Variants in AMN observed in about 807,000 individuals in gnomAD.
AMN encodes the protein protein amnionless.
Under a neutral mutation model 49.1 loss-of-function variants are expected in AMN, and 40 were observed. The ratio of observed to expected loss-of-function variants is 0.81; its 90% confidence interval spans 0.63 to 1.06. The LOEUF (loss-of-function observed/expected upper bound fraction) is 1.06. Among genes scored for constraint, AMN ranks in the 50% least tolerant of loss-of-function variants. The probability of loss-of-function intolerance (pLI) is 0.00; values close to 1 mark genes in which losing one functional copy is unlikely to be tolerated. For synonymous variants in AMN, 380 were observed against 313.3 expected (o/e 1.21, Z -2.25); for missense variants, 701 against 662.8 (o/e 1.06, Z -0.63).
Position 102,928,854 on chromosome 14 carries a change from A to G in AMN, c.392A>G (p.Asp131Gly). 1 of 1,604,820 alleles carries G rather than the reference A, an allele frequency of 6.2e-7. No homozygotes were observed. Among genetic ancestry groups the G allele is most frequent in the Non-Finnish European group, 8.5e-7 (1 of 1,179,768 alleles). ...GAGGCACCTGGCCTCTTCTTCGTGGACGCCGAGCGCGTGCCCTGCCGCCAC... is the reference window on the plus strand; with the variant it reads ...GAGGCACCTGGCCTCTTCTTCGTGGGCGCCGAGCGCGTGCCCTGCCGCCAC... ...GDEAPGLFFV[D>G]AERVPCRHDD... is the part of the protein sequence containing the mutation. The change falls in exon 5 of 12, where the codon GAC becomes GGC. Residue 131 changes from aspartate (D) to glycine (G), a missense_variant. By Grantham distance (94) the Asp-to-Gly change is moderately conservative (BLOSUM62 -1). Transcript: ENST00000299155.
At chr14:102,923,204 A>G (rs1891100535) in intron 1 of AMN, 1 of 244,836 alleles carries the variant, frequency 4.1e-6, no homozygotes, top group African/African-American at 2.3e-5. Flanking sequence ...GGACAACCCC[A>G]CCCACCACAT....
At chr14:102,924,106 C>T (rs983457775) in intron 3 of AMN, 127 bp downstream of exon 3, 3 of 1,379,422 alleles carry the variant, frequency 2.2e-6, no homozygotes, top group Admixed American at 3.5e-5. Context: ...GGACTTTGGC[C>T]TCTGGAGAAT....
Position 102,929,981 on chromosome 14 carries a change from C to G in AMN, c.901C>G (p.Arg301Gly), listed in dbSNP as rs1228194866. Residue 301 changes from arginine to glycine, a missense_variant, in exon 9 of 12, where the codon CGT becomes GGT. Physicochemically the swap from Arg to Gly is moderately radical, Grantham distance 125. Transcript: ENST00000299155. ...VSKVPRSSRLREADTEIQVVL... is the reference protein window; with the variant it reads ...VSKVPRSSRLGEADTEIQVVL... ...CAAGGTGCCACGCTCGTCCCGGCTC[C>G]GTGAGGCCGATACGGAGATCCAGGT... is the stretch of plus-strand genomic sequence containing the variant. 4 of 1,564,624 alleles carry G rather than the reference C, an allele frequency of 2.6e-6. No individual in the cohort carries two copies. Among genetic ancestry groups the G allele is most frequent in the Admixed American group, 1.9e-5 (1 of 53,252 alleles).
intron 10 of AMN, 27 bp from the exon 11 acceptor site, chr14:102,930,379 C>A: frequency 6.7e-7 from 1 of 1,497,934 alleles, no homozygotes; most frequent in Non-Finnish European, 8.9e-7. Context: ...CCGAGGGGCT[C>A]ACGCTGCGTC....
At position 102,930,039 on chromosome 14, in the gene AMN, G is replaced by A. The variant is rs932182800; in HGVS notation, c.959G>A (p.Gly320Glu). ...GTGGAGAATGGGCCCGAGACAGGCGGAGCGGGGCGGCTGGCCCGGGCCCTC... is the reference window on the plus strand; with the variant it reads ...GTGGAGAATGGGCCCGAGACAGGCGAAGCGGGGCGGCTGGCCCGGGCCCTC... ...VLVENGPETG[G>E]AGRLARALLA... is the part of the protein sequence containing the mutation. The change falls in exon 9 of 12, where the codon GGA (glycine) becomes GAA (glutamate). Residue 320 changes from glycine to glutamate, a missense_variant. Gly to Glu is a moderately conservative substitution (Grantham distance 98). Coordinates refer to ENST00000299155, the MANE Select transcript of AMN (RefSeq NM_030943.4). 1.7e-5 allele frequency: 27 copies of A among 1,549,868 alleles called. No homozygotes were observed. The highest frequency in any genetic ancestry group is 5.9e-5 in the Admixed American group (3 of 51,178).
rs779979824 is a variant in AMN at position 102,930,177 on chromosome 14, G to A, written c.1019G>A (p.Gly340Asp). 52 of 1,487,230 alleles carry A rather than the reference G, an allele frequency of 3.5e-5. No individual in the cohort carries two copies. Among genetic ancestry groups the A allele is most frequent in the Admixed American group, 6.7e-5 (3 of 44,796 alleles). 92.1% of individuals were successfully genotyped at this position (1,487,230 alleles called of 1,614,324 possible). ...ADVAENGEAL[G>D]VLEATMRESG... ...CCCTCCGTCGCAGGCGAGGCCCTCG[G>A]CGTCCTGGAGGCGACCATGCGGGAG... Residue 340 changes from glycine (G) to aspartate (D), a missense_variant, in exon 10 of 12, where the codon GGC becomes GAC. Gly to Asp is a moderately conservative substitution (Grantham distance 94, BLOSUM62 -1). Coordinates refer to ENST00000299155, the MANE Select transcript of AMN (RefSeq NM_030943.4).
chr14:102,930,394 C>T lies in AMN; in HGVS notation c.1170-12C>T, dbSNP rs528903403. On this transcript the variant is annotated splice_polypyrimidine_tract_variant and intron_variant, in intron 10 of 11. Transcript: ENST00000299155. ...CCGAGGGGCTCACGCTGCGTCCCCG[C>T]TACGCCCTCAGGTGGAGGAGGCACG... 176 of 1,509,280 alleles carry T rather than the reference C, an allele frequency of 1.2e-4. No individual in the cohort carries two copies. Among genetic ancestry groups the T allele is most frequent in the Admixed American group, 3.1e-4 (15 of 48,712 alleles). The allele number at this position is 1,509,280 out of a possible 1,614,324, so 93.5% of individuals were successfully genotyped here.
intron 3 of AMN, among the ~76,000 whole-genome samples, chr14:102,924,460 C>T (rs1891143537): frequency 6.6e-6 from 1 of 152,172 alleles, no homozygotes; most frequent in Admixed American, 6.5e-5. Flanking sequence ...ATCAGATTCT[C>T]CTAGGGACCC....
At chr14:102,923,865 T>C (rs1891125280) in intron 2 of AMN, 36 bp downstream of exon 2, 2 of 1,612,584 alleles carry the variant, frequency 1.2e-6, no homozygotes, top group Middle Eastern at 1.7e-4. Context: ...GTGATGGGCC[T>C]GGACCCCTGA....
At position 102,922,958 on chromosome 14, in the gene AMN, T is replaced by C. The variant is rs540951191; in HGVS notation, c.43+227T>C. On this transcript the variant is annotated intron_variant, in intron 1 of 11. Transcript: ENST00000299155. ...CGGTGCGGGAGAGGAGAGGAGGGGC[T>C]CCGGGAACCTCGGCCAGCCCCGGCC... The C allele has an allele frequency of 2.4e-5, 14 of 581,562 alleles. No individual in the cohort carries two copies. The East Asian group carries it at 4.7e-4, about 20-fold the overall frequency. 36.0% of individuals were successfully genotyped at this position (581,562 alleles called of 1,614,324 possible).
intron 1 of AMN, chr14:102,923,355 G>A (rs534351595): frequency 4.2e-4 from 156 of 371,704 alleles, no homozygotes; most frequent in African/African-American, 3.0e-3. Flanking sequence ...GAAGAGGTCT[G>A]TGCTGCCCCA....
Position 102,923,775 on chromosome 14 carries a change from G to T in AMN, c.108G>T (p.Trp36Cys). The T allele has an allele frequency of 6.2e-7, 1 of 1,612,782 alleles. No homozygotes were observed. Among genetic ancestry groups the T allele is most frequent in the Non-Finnish European group, 8.5e-7 (1 of 1,179,878 alleles). The change falls in exon 2 of 12, where the codon TGG (tryptophan) becomes TGT (cysteine). Residue 36 changes from tryptophan (W) to cysteine (C), a missense_variant. Transcript: ENST00000299155. ...PNTDFDVAAN[W>C]SQNRTPCAGG... ...CGGACTTCGACGTCGCAGCCAACTG[G>T]AGCCAGAACCGGACCCCGTGCGCCG...
intron 4 of AMN, 61 bp downstream of exon 4, chr14:102,928,574 G>A (rs1891243174): frequency 6.5e-7 from 1 of 1,548,396 alleles, no homozygotes; most frequent in Non-Finnish European, 8.7e-7. Context: ...GGGACTGGAG[G>A]GAAGGCGCGT....
chr14:102,930,184 G>T lies in AMN; in HGVS notation c.1026G>T (p.Leu342=). The change falls in exon 10 of 12, where the codon CTG becomes CTT. Residue 342 remains leucine, a synonymous_variant. Transcript: ENST00000299155. The part of the protein sequence containing the change: ...VAENGEALGV[L]EATMRESGAH... ...TCGCAGGCGAGGCCCTCGGCGTCCT[G>T]GAGGCGACCATGCGGGAGTCGGGCG... 1 of 1,483,016 alleles carries T rather than the reference G, an allele frequency of 6.7e-7. No individual in the cohort carries two copies. Among genetic ancestry groups the T allele is most frequent in the Non-Finnish European group, 8.9e-7 (1 of 1,123,720 alleles). The allele number at this position is 1,483,016 out of a possible 1,614,324, so 91.9% of individuals were successfully genotyped here. A position where few individuals can be genotyped will look rare whatever the true frequency, so the allele number is the denominator to read the frequency against.
At chr14:102,927,520 C>T (rs1891214761) in intron 3 of AMN, among the ~76,000 whole-genome samples, 1 of 152,238 alleles carries the variant, frequency 6.6e-6, no homozygotes, top group African/African-American at 2.4e-5. Flanking sequence ...CAGTGCCACA[C>T]CCTCAGGTGT....
chr14:102,922,706 G>C lies in AMN; in HGVS notation c.18G>C (p.Arg6=), dbSNP rs200460988. MGVLG[R]VLLWLQLCAL... is the part of the protein sequence containing the mutation. ...GAGGCGAGATGGGCGTCCTGGGCCG[G>C]GTCCTGCTGTGGCTGCAGCTCTGCG... Residue 6 remains arginine, a synonymous_variant, in exon 1 of 12, where the codon CGG becomes CGC. Coordinates refer to ENST00000299155, the MANE Select transcript of AMN (RefSeq NM_030943.4). 6.3e-7 allele frequency: 1 copy of C among 1,597,398 alleles called. No homozygotes were observed. The highest frequency in any genetic ancestry group is 1.3e-5 in the African/African-American group (1 of 74,958).
At chr14:102,927,791 A>AC (rs944609781) in intron 3 of AMN, among the ~76,000 whole-genome samples, 3 of 151,398 alleles carry the variant, frequency 2.0e-5, no homozygotes, top group African/African-American at 7.3e-5. Flanking sequence ...GGCCAGTCAG[A>AC]CCCCCCGTAT....
At chr14:102,926,239 A>AAG (rs1413347590) in intron 3 of AMN, among the ~76,000 whole-genome samples, 4 of 152,216 alleles carry the variant, frequency 2.6e-5, no homozygotes, top group Non-Finnish European at 5.9e-5. Flanking sequence ...CACAATGGTA[A>AAG]TGGACTGTGT....
chr14:102,930,338 C>T lies in AMN; in HGVS notation c.1169+11C>T, dbSNP rs764673271. 1 of 1,406,896 alleles carries T rather than the reference C, an allele frequency of 7.1e-7. No homozygotes were observed. Among genetic ancestry groups the T allele is most frequent in the South Asian group, 1.5e-5 (1 of 65,172 alleles). 87.2% of individuals were successfully genotyped at this position (1,406,896 alleles called of 1,614,324 possible). On this transcript the variant is annotated intron_variant, in intron 10 of 11. Transcript: ENST00000299155. ...CGCGGGGAGGCTCAGGTACGCGGGG[C>T]GGGGGCGCGGAGGTGGGGCTGGGGG...
Sources: allele counts gnomAD v4.1 joint callset (sites outside exome capture counted in the v4.1 genomes callset), GRCh38; gene constraint gnomAD v4.1.1; transcripts MANE v1.5; gene names NCBI Gene and HGNC (gene_info 2026-07-23, HGNC 2026-07-21).